Variants in ADGRD1 observed in about 807,000 individuals in gnomAD.
ADGRD1 encodes the protein G-protein coupled receptor 133.
In ADGRD1, 77 loss-of-function variants were observed where a neutral mutation model predicts 113.4. That is an observed-to-expected ratio of 0.68 (90% confidence interval 0.57 to 0.82). The LOEUF is 0.82. Among genes scored for constraint, ADGRD1 ranks in the 40% least tolerant of loss-of-function variants. ADGRD1 has a pLI of 0.00. For synonymous variants in ADGRD1, 474 were observed against 475.0 expected, an observed-to-expected ratio of 1.00 and a Z score of 0.03; for missense variants, 1,036 against 1,139.1, an observed-to-expected ratio of 0.91 and a Z score of 1.30.
At chr12:131,036,461 A>C (rs1881398697) in intron 13 of ADGRD1, among the ~76,000 whole-genome samples, 1 of 144,812 alleles carries the variant, frequency 6.9e-6, no homozygotes, top group African/African-American at 2.6e-5. Context: ...CCCAGGCCTT[A>C]CTCACTGCAT....
intron 13 of ADGRD1, among the ~76,000 whole-genome samples, chr12:131,029,379 T>C (rs1211351685): frequency 6.6e-6 from 1 of 152,226 alleles, no homozygotes; most frequent in Non-Finnish European, 1.5e-5. Flanking sequence ...TGGATACATG[T>C]GGCTAATCCA....
intron 14 of ADGRD1, among the ~76,000 whole-genome samples, chr12:131,080,879 CA>C (rs1193051135): frequency 6.6e-6 from 1 of 152,200 alleles, no homozygotes; most frequent in African/African-American, 2.4e-5. Context: ...CTCGGCCTCC[CA>C]AAGTGCTGGG....
At chr12:131,076,048 C>T (rs902041666) in intron 13 of ADGRD1, among the ~76,000 whole-genome samples, 2 of 152,158 alleles carry the variant, frequency 1.3e-5, no homozygotes, top group African/African-American at 4.8e-5. Flanking sequence ...TAGGGTAGAG[C>T]ATAGCTGCAG....
At chr12:131,107,939 C>G (rs1950269662) in intron 17 of ADGRD1, among the ~76,000 whole-genome samples, 1 of 152,152 alleles carries the variant, frequency 6.6e-6, no homozygotes, top group Non-Finnish European at 1.5e-5. Flanking sequence ...GCTCTGGTTT[C>G]CTGGACCTTT....
chr12:130,973,926 T>A (rs1351135394), intron 4 of ADGRD1, among the ~76,000 whole-genome samples: 2 of 152,048 alleles, frequency 1.3e-5, no homozygotes, highest in Non-Finnish European at 2.9e-5. Context: ...TGTCTCTAAC[T>A]TAAAGAAAAA....
rs374789021 is a variant in ADGRD1 at position 131,084,395 on chromosome 12, G to A, written c.1548-145G>A. On this transcript the variant is annotated intron_variant, in intron 14 of 24. Transcript: ENST00000261654. This position sits in a 1 kb window ranked among gnomAD's most constrained non-coding sequence, Gnocchi z 4.5. ...TCTCTCCTCCCAACCCCCACACCAC[G>A]GTCTGGGTGTGCATTCCTGGCGTGG... 2.5e-5 allele frequency: 20 copies of A among 786,610 alleles called. 1 individual carries two copies. Among genetic ancestry groups the A allele is most frequent in the African/African-American group, 1.0e-4 (6 of 58,814 alleles). 48.7% of individuals were successfully genotyped at this position (786,610 alleles called of 1,614,324 possible). A position where few individuals can be genotyped will look rare whatever the true frequency, so the allele number is the denominator to read the frequency against.
At position 130,987,097 on chromosome 12, in the gene ADGRD1, C is replaced by T; in HGVS notation, c.493C>T (p.Pro165Ser). Residue 165 changes from proline (P) to serine (S), a missense_variant and splice_region_variant, in exon 6 of 25, where the codon CCC becomes TCC. Physicochemically the swap from Pro to Ser is moderately conservative, Grantham distance 74. Coordinates refer to ENST00000261654, the MANE Select transcript of ADGRD1 (RefSeq NM_198827.5). ...TGGCGATCTTCACTCTTTTCCAGGC[C>T]CCTATTGGACTCATGTCCTATTTAC... ...TWEASFSPPGPYWTHVLFTWK... is the reference protein window; with the variant it reads ...TWEASFSPPGSYWTHVLFTWK... 6.2e-7 allele frequency: 1 copy of T among 1,613,664 alleles called. No homozygotes were observed. Among genetic ancestry groups the T allele is most frequent in the Non-Finnish European group, 8.5e-7 (1 of 1,179,582 alleles).
chr12:131,035,714 G>A (rs544327999), intron 13 of ADGRD1, among the ~76,000 whole-genome samples: 2 of 152,298 alleles, frequency 1.3e-5, no homozygotes, highest in South Asian at 2.1e-4. Flanking sequence ...ATAGTATGAT[G>A]TTGTTATTAT....
At chr12:131,006,180 G>A (rs886845759) in intron 12 of ADGRD1, 133 bp downstream of exon 12, 5 of 756,114 alleles carry the variant, frequency 6.6e-6, no homozygotes, top group Admixed American at 4.4e-5. Flanking sequence ...TTCACTGCTC[G>A]GGCAAGGAAA....
chr12:130,955,138 T>G (rs1306606566), intron 2 of ADGRD1, among the ~76,000 whole-genome samples: 102 of 145,334 alleles, frequency 7.0e-4, no homozygotes, highest in Admixed American at 6.5e-3. Context: ...TTTTTTTTTG[T>G]ATTTTTAGTA....
In ADGRD1 at chr12:131,139,511, G is replaced by A. The variant is rs76486680; in HGVS notation, c.*248G>A. On this transcript the variant is annotated 3_prime_UTR_variant, in exon 25 of 25. Coordinates refer to ENST00000261654, the MANE Select transcript of ADGRD1 (RefSeq NM_198827.5). ...CACCCGTGGGCTGAGTGACTTCCTC[G>A]GGGGATTCCCAGGACACAGTGGCCT... 85 of 480,992 alleles carry A rather than the reference G, an allele frequency of 1.8e-4. No individual in the cohort carries two copies. The highest frequency in any genetic ancestry group is 1.5e-3 in the African/African-American group (76 of 50,834). The allele number at this position is 480,992 out of a possible 1,614,324, so 29.8% of individuals were successfully genotyped here.
In ADGRD1 at chr12:130,984,450, A is replaced by ATT. The variant is rs1268807114; in HGVS notation, c.490+2388_490+2389dup. 1.3e-5 allele frequency among the ~76,000 whole-genome samples: 2 copies of ATT among 152,114 alleles called. No homozygotes were observed. The highest frequency in any genetic ancestry group is 4.8e-5 in the African/African-American group (2 of 41,414). On this transcript the variant is annotated intron_variant, in intron 5 of 24. Transcript: ENST00000261654. This position sits in a 1 kb window ranked among gnomAD's most constrained non-coding sequence, Gnocchi z 4.1. ...TTGGTGGGCGCCATGGAGTGCCTGTATTGCTGTTAGATTTTAATAGATTTT... is the reference window on the plus strand; with the variant it reads ...TTGGTGGGCGCCATGGAGTGCCTGTATTTTGCTGTTAGATTTTAATAGATTTT...
In ADGRD1 at chr12:131,041,066, C is replaced by T. The variant is rs1461194869; in HGVS notation, c.1473+26726C>T. 6.6e-6 allele frequency among the ~76,000 whole-genome samples: 1 copy of T among 152,196 alleles called. No homozygotes were observed. Among genetic ancestry groups the T allele is most frequent in the Non-Finnish European group, 1.5e-5 (1 of 68,032 alleles). ...TCCCTGGGGACATCTGAGTTGTGAC[C>T]TGTGGTGATGATGCCACCATTTCTC... is the stretch of plus-strand genomic sequence containing the variant. On this transcript the variant is annotated intron_variant, in intron 13 of 24. Transcript: ENST00000261654. This position sits in a 1 kb window ranked among gnomAD's most constrained non-coding sequence, Gnocchi z 4.4.
At chr12:130,993,764 C>G (rs567087119) in intron 8 of ADGRD1, 2 of 152,644 alleles carry the variant, frequency 1.3e-5, no homozygotes, top group East Asian at 3.9e-4. Flanking sequence ...TCGCTTCAGG[C>G]AACAAGAGGC....
At chr12:131,036,589 G>T (rs1408033862) in intron 13 of ADGRD1, among the ~76,000 whole-genome samples, 1 of 145,558 alleles carries the variant, frequency 6.9e-6, no homozygotes, top group Non-Finnish European at 1.5e-5. Flanking sequence ...ACTACACCAG[G>T]TCTCACTCAC....
At chr12:131,008,906 G>A (rs1877522885) in intron 12 of ADGRD1, among the ~76,000 whole-genome samples, 1 of 152,222 alleles carries the variant, frequency 6.6e-6, no homozygotes, top group Non-Finnish European at 1.5e-5. Context: ...CCGGCTCAGC[G>A]TGTGTCCTTA....
chr12:131,072,998 A>G lies in ADGRD1; in HGVS notation c.1474-3803A>G, dbSNP rs546441008. On this transcript the variant is annotated intron_variant, in intron 13 of 24. Coordinates refer to ENST00000261654, the MANE Select transcript of ADGRD1 (RefSeq NM_198827.5). ...GGTGAAGGCAGAGTAGTAAATCCCCACCATGTGCCCCTGCTCTACTGGGCC... is the reference window on the plus strand; with the variant it reads ...GGTGAAGGCAGAGTAGTAAATCCCCGCCATGTGCCCCTGCTCTACTGGGCC... 8.5e-5 allele frequency among the ~76,000 whole-genome samples: 13 copies of G among 152,242 alleles called. No individual in the cohort carries two copies. In the East Asian group the frequency reaches 2.5e-3, roughly 29 times the overall value.
chr12:131,036,079 G>A (rs1015020750), intron 13 of ADGRD1, among the ~76,000 whole-genome samples: 69 of 152,186 alleles, frequency 4.5e-4, no homozygotes, highest in African/African-American at 1.5e-3. Context: ...GGCTGCTCCT[G>A]TTCCTGGCCC....
At chr12:131,016,584 C>T (rs1259612996) in intron 13 of ADGRD1, among the ~76,000 whole-genome samples, 4 of 152,338 alleles carry the variant, frequency 2.6e-5, no homozygotes, top group African/African-American at 9.6e-5. Flanking sequence ...TGCCCCGCGG[C>T]GTGTCAAGCC....
Sources: allele counts gnomAD v4.1 joint callset (sites outside exome capture counted in the v4.1 genomes callset), GRCh38; gene constraint gnomAD v4.1.1; non-coding constraint Gnocchi (gnomAD v3.1); transcripts MANE v1.5; gene names NCBI Gene and HGNC (gene_info 2026-07-23, HGNC 2026-07-21).